Variants in RPS6KC1 observed in about 807,000 individuals in gnomAD.
The protein encoded by RPS6KC1 is inactive ribosomal protein S6 kinase delta-1.
A neutral mutation model predicts 103.8 loss-of-function variants in RPS6KC1; 54 were observed. The ratio of observed to expected loss-of-function variants is 0.52; its 90% confidence interval spans 0.42 to 0.65. The LOEUF is 0.65. Among genes scored for constraint, RPS6KC1 ranks in the 30% least tolerant of loss-of-function variants. The pLI is 0.00. For synonymous variants in RPS6KC1, 439 were observed against 438.7 expected (o/e 1.00, Z -0.01); for missense variants, 1,151 against 1,253.8 (o/e 0.92, Z 1.24).
At chr1:213,151,371 C>T (rs1486343651) in intron 6 of RPS6KC1, among the ~76,000 whole-genome samples, 17 of 127,822 alleles carry the variant, frequency 1.3e-4, no homozygotes, top group Admixed American at 2.9e-4. Context: ...CCCTCCCGGA[C>T]GGGGCGGCTG....
At chr1:213,509,085 C>A in the RPS6KC1 span, among the ~76,000 whole-genome samples, 1 of 152,162 alleles carries the variant, frequency 6.6e-6, no homozygotes, top group Non-Finnish European at 1.5e-5. Context: ...TGTAGGGTGA[C>A]CATGTAATTT....
chr1:213,390,987 A>T, the RPS6KC1 span, among the ~76,000 whole-genome samples: 2 of 152,050 alleles, frequency 1.3e-5, no homozygotes, highest in Admixed American at 1.3e-4. Flanking sequence ...TATATGTGAT[A>T]CCGATGTATA....
chr1:213,504,285 G>A, the RPS6KC1 span, among the ~76,000 whole-genome samples: 1 of 152,006 alleles, frequency 6.6e-6, no homozygotes, highest in Non-Finnish European at 1.5e-5. Flanking sequence ...GTTTTTCTTT[G>A]AGTTTATAAT....
At chr1:213,295,323 ATAT>A in the RPS6KC1 span, among the ~76,000 whole-genome samples, 1 of 152,348 alleles carries the variant, frequency 6.6e-6, no homozygotes, top group African/African-American at 2.4e-5. Context: ...GGCAACTGTG[ATAT>A]TATCATACAA....
the RPS6KC1 span, among the ~76,000 whole-genome samples, chr1:213,532,776 C>G: frequency 6.6e-6 from 1 of 152,184 alleles, no homozygotes; most frequent in Non-Finnish European, 1.5e-5. Flanking sequence ...CAAGCAACTG[C>G]GTCATGGATT....
At chr1:213,782,361 T>C in the RPS6KC1 span, among the ~76,000 whole-genome samples, 1 of 150,362 alleles carries the variant, frequency 6.7e-6, no homozygotes, top group African/African-American at 2.4e-5. Context: ...TGAAGGAGAG[T>C]CCACAGGCAT....
chr1:213,555,635 A>G, the RPS6KC1 span, among the ~76,000 whole-genome samples: 2 of 152,134 alleles, frequency 1.3e-5, no homozygotes, highest in Admixed American at 6.6e-5. Context: ...CGTGAATAGT[A>G]ATATTTCTTT....
chr1:213,832,576 C>T, the RPS6KC1 span: 6 of 152,150 alleles, frequency 3.9e-5, no homozygotes, highest in East Asian at 1.9e-4. Flanking sequence ...CTGTATACTC[C>T]TCTGCTTATG....
the RPS6KC1 span, among the ~76,000 whole-genome samples, chr1:213,694,378 A>G: frequency 6.6e-6 from 1 of 152,194 alleles, no homozygotes; most frequent in Non-Finnish European, 1.5e-5. Flanking sequence ...TATCTCATAC[A>G]TGTATAACCT....
chr1:213,707,775 T>G, the RPS6KC1 span, among the ~76,000 whole-genome samples: 2 of 152,142 alleles, frequency 1.3e-5, no homozygotes, highest in Non-Finnish European at 2.9e-5. Context: ...GCCAGTTTTC[T>G]CAACACCATT....
the RPS6KC1 span, among the ~76,000 whole-genome samples, chr1:213,578,283 G>T: frequency 1.3e-5 from 2 of 152,240 alleles, no homozygotes; most frequent in African/African-American, 4.8e-5. Context: ...TCCAGGCAGA[G>T]GTGTGCTGCA....
chr1:213,829,679 G>A, the RPS6KC1 span, among the ~76,000 whole-genome samples: 11 of 152,234 alleles, frequency 7.2e-5, no homozygotes, highest in African/African-American at 2.4e-4. Context: ...ATCTCCAAGG[G>A]AGCTCTGATT....
the RPS6KC1 span, among the ~76,000 whole-genome samples, chr1:213,845,910 T>A: frequency 2.6e-5 from 4 of 152,104 alleles, no homozygotes; most frequent in East Asian, 7.7e-4. Flanking sequence ...CTGGATCCTA[T>A]GCCTTTAGGG....
At chr1:213,744,468 A>G in the RPS6KC1 span, among the ~76,000 whole-genome samples, 12,382 of 152,126 alleles carry the variant, frequency 0.081, 567 homozygotes, top group Middle Eastern at 0.14. Flanking sequence ...CCTCCAAAAT[A>G]TTGTCCCCCC....
the RPS6KC1 span, among the ~76,000 whole-genome samples, chr1:213,309,127 T>TA: frequency 2.3e-4 from 34 of 148,390 alleles, no homozygotes; most frequent in Admixed American, 6.1e-4. Flanking sequence ...CCATCTCTAC[T>TA]AAAAAAAAAA....
At chr1:213,642,737 GC>G in the RPS6KC1 span, among the ~76,000 whole-genome samples, 1 of 151,818 alleles carries the variant, frequency 6.6e-6, no homozygotes, top group Non-Finnish European at 1.5e-5. Flanking sequence ...TTTGGCTTCT[GC>G]TTTTGTAACT....
the RPS6KC1 span, among the ~76,000 whole-genome samples, chr1:213,704,009 AT>A: frequency 2.6e-5 from 4 of 151,786 alleles, no homozygotes; most frequent in African/African-American, 9.7e-5. Context: ...TTTTTTAATT[AT>A]TTTTTCTTTT....
chr1:213,090,213 G>T (rs1253536910), intron 3 of RPS6KC1, among the ~76,000 whole-genome samples: 1 of 152,178 alleles, frequency 6.6e-6, no homozygotes, highest in African/African-American at 2.4e-5. Context: ...TCAGTCTGAG[G>T]AGTTTTAAGA....
the RPS6KC1 span, among the ~76,000 whole-genome samples, chr1:213,368,163 G>A: frequency 6.6e-6 from 1 of 152,204 alleles, no homozygotes; most frequent in East Asian, 1.9e-4. Flanking sequence ...GAATGCTGAT[G>A]GTATTCACAG....
Sources: allele counts gnomAD v4.1 joint callset (sites outside exome capture counted in the v4.1 genomes callset), GRCh38; gene constraint gnomAD v4.1.1; transcripts MANE v1.5; gene names NCBI Gene and HGNC (gene_info 2026-07-23, HGNC 2026-07-21).